Variants in BRINP3 observed in about 807,000 individuals in gnomAD.
The protein encoded by BRINP3 is BMP/retinoic acid-inducible neural-specific protein 3.
BRINP3 carries 19 observed loss-of-function variants against 71.0 expected under a neutral mutation model. That is an observed-to-expected ratio of 0.27 (90% CI 0.19 to 0.39). The LOEUF (loss-of-function observed/expected upper bound fraction) is 0.39, where lower values mean the gene tolerates loss of function less well. Ranked by LOEUF, BRINP3 falls within the 10% of genes least tolerant of loss-of-function variation. The pLI, the probability that BRINP3 is intolerant of heterozygous loss-of-function variation, is 1.00. For synonymous variants in BRINP3, 380 were observed against 337.7 expected (o/e 1.13, Z -1.37); for missense variants, 959 against 940.8 (o/e 1.02, Z -0.25).
chr1:190,280,305 C>T (rs1286998754), intron 3 of BRINP3, among the ~76,000 whole-genome samples: 1 of 151,736 alleles, frequency 6.6e-6, no homozygotes, highest in Non-Finnish European at 1.5e-5. Flanking sequence ...TTAAAGCTAG[C>T]ATTCACAGAT....
chr1:190,155,227 A>C (rs1656763420), intron 7 of BRINP3, among the ~76,000 whole-genome samples: 1 of 152,104 alleles, frequency 6.6e-6, no homozygotes, highest in South Asian at 2.1e-4. Context: ...TGGCATTAAA[A>C]TATTCCATTA....
intron 2 of BRINP3, among the ~76,000 whole-genome samples, chr1:190,365,521 A>G (rs1669427768): frequency 6.7e-6 from 1 of 148,246 alleles, no homozygotes; most frequent in Non-Finnish European, 1.5e-5. Flanking sequence ...TAATTATATT[A>G]TAATTATAAT....
chr1:190,302,235 A>G (rs1193732770), intron 2 of BRINP3, among the ~76,000 whole-genome samples: 2 of 148,096 alleles, frequency 1.4e-5, no homozygotes, highest in Admixed American at 6.8e-5. Flanking sequence ...AGAAGTGTAT[A>G]TATATACATA....
At chr1:190,256,938 C>T (rs1390285216) in intron 4 of BRINP3, among the ~76,000 whole-genome samples, 2 of 152,084 alleles carry the variant, frequency 1.3e-5, no homozygotes, top group African/African-American at 4.8e-5. Context: ...TTCATTTCAA[C>T]CTTGGTGAAT....
intron 2 of BRINP3, among the ~76,000 whole-genome samples, chr1:190,373,746 G>T (rs1148616): frequency 0.55 from 83,225 of 151,132 alleles, 23,816 homozygotes; most frequent in Middle Eastern, 0.64. Flanking sequence ...TCTTATACAG[G>T]GGGTGAGACA....
At chr1:190,256,472 T>C (rs1253327973) in intron 4 of BRINP3, among the ~76,000 whole-genome samples, 1 of 152,202 alleles carries the variant, frequency 6.6e-6, no homozygotes. Context: ...AATTGGGGCA[T>C]TTAGCCCATT....
At chr1:190,308,950 T>C (rs978333656) in intron 2 of BRINP3, among the ~76,000 whole-genome samples, 6 of 151,916 alleles carry the variant, frequency 3.9e-5, no homozygotes, top group South Asian at 2.1e-4. Context: ...TAGATATATA[T>C]GTAAAATAAT....
intron 2 of BRINP3, among the ~76,000 whole-genome samples, chr1:190,315,390 G>C (rs910505039): frequency 6.6e-6 from 1 of 152,052 alleles, no homozygotes; most frequent in African/African-American, 2.4e-5. Context: ...TGGTCACAGA[G>C]AGCAATGGAT....
rs527249944 is a variant in BRINP3 at position 190,310,669 on chromosome 1, C to T, written c.237-28919G>A. ...AACTTTCTCCCTTTGTTACTGTTTACTCAATCTCCCTCCCTTTCTCCAGTT... is the reference window on the plus strand; with the variant it reads ...AACTTTCTCCCTTTGTTACTGTTTATTCAATCTCCCTCCCTTTCTCCAGTT... On this transcript the variant is annotated intron_variant, in intron 2 of 7. Transcript: ENST00000367462. Among the ~76,000 whole-genome samples, 4 of 151,744 alleles carry T rather than the reference C, an allele frequency of 2.6e-5. No individual in the cohort carries two copies. In the South Asian group the frequency reaches 8.3e-4, roughly 31 times the overall value.
chr1:190,114,189 C>A (rs1175850230), intron 7 of BRINP3, among the ~76,000 whole-genome samples: 1 of 152,108 alleles, frequency 6.6e-6, no homozygotes, highest in Non-Finnish European at 1.5e-5. Flanking sequence ...CTCTCTTGCT[C>A]CTGCTTTCGC....
intron 6 of BRINP3, among the ~76,000 whole-genome samples, chr1:190,188,729 A>G (rs891209603): frequency 1.3e-5 from 2 of 149,148 alleles, no homozygotes; most frequent in Admixed American, 6.7e-5. Flanking sequence ...TGATGATCTT[A>G]TTAATGTGCT....
chr1:190,449,381 A>T (rs570997111), intron 2 of BRINP3, among the ~76,000 whole-genome samples: 1 of 152,002 alleles, frequency 6.6e-6, no homozygotes, highest in Non-Finnish European at 1.5e-5. Context: ...GTATGTGTAT[A>T]TCAGGGAAAG....
intron 7 of BRINP3, among the ~76,000 whole-genome samples, chr1:190,144,348 C>A (rs1655705334): frequency 6.6e-6 from 1 of 152,052 alleles, no homozygotes; most frequent in African/African-American, 2.4e-5. Context: ...AAGTATCTGA[C>A]TCCAAGTTTA....
At chr1:190,216,776 T>G (rs189966942) in intron 6 of BRINP3, among the ~76,000 whole-genome samples, 1 of 152,010 alleles carries the variant, frequency 6.6e-6, no homozygotes, top group Non-Finnish European at 1.5e-5. Flanking sequence ...ACTTCCTTCT[T>G]TTTGTATGGT....
chr1:190,337,569 A>G (rs1667372422), intron 2 of BRINP3, among the ~76,000 whole-genome samples: 1 of 152,028 alleles, frequency 6.6e-6, no homozygotes, highest in Non-Finnish European at 1.5e-5. Context: ...GCCCTCGAAC[A>G]TCAGACTCCA....
chr1:190,140,155 T>C (rs971369244), intron 7 of BRINP3, among the ~76,000 whole-genome samples: 2 of 152,178 alleles, frequency 1.3e-5, no homozygotes, highest in African/African-American at 4.8e-5. Context: ...GCACTTAATT[T>C]GAGTATTTTT....
intron 2 of BRINP3, among the ~76,000 whole-genome samples, chr1:190,414,018 A>G (rs1009321966): frequency 1.1e-4 from 17 of 152,210 alleles, no homozygotes; most frequent in Admixed American, 6.5e-5. Flanking sequence ...GCTGGAGTGC[A>G]GTGGTGTGAT....
chr1:190,261,752 A>G (rs1278938034), intron 4 of BRINP3, among the ~76,000 whole-genome samples: 4 of 152,306 alleles, frequency 2.6e-5, no homozygotes, highest in Non-Finnish European at 5.9e-5. Context: ...AACTTACATT[A>G]CCAAATCAAA....
chr1:190,199,581 A>C (rs536853986), intron 6 of BRINP3, among the ~76,000 whole-genome samples: 6 of 152,200 alleles, frequency 3.9e-5, no homozygotes, highest in South Asian at 2.1e-4. Flanking sequence ...GAAACAAAAC[A>C]AAACCAAAAC....
Sources: gnomAD v4.1 joint callset for allele counts (sites outside exome capture counted in the v4.1 genomes callset) on GRCh38, gnomAD v4.1.1 for gene constraint, MANE v1.5 for transcripts, NCBI Gene and HGNC (gene_info 2026-07-23, HGNC 2026-07-21) for gene names.